The following ABHD2 variants were observed in gnomAD, a reference collection of about 807,000 sequenced individuals.
The protein encoded by ABHD2 is abhydrolase domain containing 2, acylglycerol lipase.
In ABHD2, 20 loss-of-function variants were observed where a neutral mutation model predicts 48.1. The ratio of observed to expected loss-of-function variants is 0.42; its 90% confidence interval spans 0.29 to 0.60. ABHD2 has a LOEUF of 0.60. Ranked by LOEUF, ABHD2 falls within the 20% of genes least tolerant of loss-of-function variation. The pLI is 0.24. For missense variants in ABHD2, 405 were observed against 550.9 expected, an observed-to-expected ratio of 0.74 and a Z score of 2.65; for synonymous variants, 209 against 214.2, an observed-to-expected ratio of 0.98 and a Z score of 0.21.
intron 3 of ABHD2, among the ~76,000 whole-genome samples, chr15:89,142,532 G>C (rs545945671): frequency 2.6e-5 from 4 of 152,150 alleles, no homozygotes; most frequent in African/African-American, 7.2e-5. Context: ...CATGTATCTC[G>C]TTCTTGCAGC....
In ABHD2 at chr15:89,182,054, C is replaced by T. The variant is rs1266911129; in HGVS notation, c.723-3370C>T. Among the ~76,000 whole-genome samples the T allele has an allele frequency of 6.6e-6, 1 of 152,152 alleles. No individual in the cohort carries two copies. The highest frequency in any genetic ancestry group is 2.4e-5 in the African/African-American group (1 of 41,436). ...CATTGATTAGAAATGAAGGCATTTT[C>T]AGGGAATTCTATTTATGTTGGTAAT... On this transcript the variant is annotated intron_variant, in intron 6 of 10. Coordinates refer to ENST00000352732, the MANE Select transcript of ABHD2 (RefSeq NM_152924.5). The surrounding 1 kb of genome is among the most constrained non-coding windows in gnomAD (Gnocchi z 4.8).
chr15:89,055,889 G>C, the ABHD2 span, among the ~76,000 whole-genome samples: 2 of 151,972 alleles, frequency 1.3e-5, no homozygotes, highest in Non-Finnish European at 2.9e-5. Context: ...TTACAGACTG[G>C]GTCTCACTCT....
chr15:89,171,637 G>C (rs192791440), intron 5 of ABHD2, among the ~76,000 whole-genome samples: 2 of 152,248 alleles, frequency 1.3e-5, no homozygotes, highest in Admixed American at 1.3e-4. Flanking sequence ...ACTGCTACCA[G>C]GCTAAGCTTC....
rs891210283 is a variant in ABHD2, at chr15:89,164,374, G to A, written c.538+8840G>A. ...TGTGTGTTAATCTCCTCCATCTAGT[G>A]TATCACTTAGAGAGAGATGGTCAGG... On this transcript the variant is annotated intron_variant, in intron 5 of 10. Coordinates refer to ENST00000352732, the MANE Select transcript of ABHD2 (RefSeq NM_152924.5). This position sits in a 1 kb window ranked among gnomAD's most constrained non-coding sequence, Gnocchi z 5.0. Among the ~76,000 whole-genome samples, 16 of 152,150 alleles carry A rather than the reference G, an allele frequency of 1.1e-4. No homozygotes were observed. Among genetic ancestry groups the A allele is most frequent in the African/African-American group, 3.9e-4 (16 of 41,424 alleles).
rs911749156 is a variant in ABHD2, at chr15:89,114,522, C to A, written c.-7+698C>A. ...TTTTGAGACGGCGTTTCGCTCTTGT[C>A]CCCAGGCTGGAGTGCAGTGGTGTGA... On this transcript the variant is annotated intron_variant, in intron 2 of 10. Transcript: ENST00000352732. The surrounding 1 kb of genome is among the most constrained non-coding windows in gnomAD (Gnocchi z 4.2). 1.3e-5 allele frequency among the ~76,000 whole-genome samples: 2 copies of A among 151,960 alleles called. No individual in the cohort carries two copies. Among genetic ancestry groups the A allele is most frequent in the African/African-American group, 4.8e-5 (2 of 41,354 alleles).
chr15:89,149,520 G>C (rs1470373657), intron 3 of ABHD2, among the ~76,000 whole-genome samples: 1 of 152,140 alleles, frequency 6.6e-6, no homozygotes, highest in African/African-American at 2.4e-5. Context: ...GCAGCAGGAG[G>C]GGTTGGCTTG....
At chr15:89,171,100 G>GC (rs2050920113) in intron 5 of ABHD2, among the ~76,000 whole-genome samples, 1 of 151,036 alleles carries the variant, frequency 6.6e-6, no homozygotes, top group Admixed American at 6.6e-5. Context: ...TGGGCAACGA[G>GC]CAAAACTCCA....
chr15:89,142,983 G>A (rs1358384886), intron 3 of ABHD2, among the ~76,000 whole-genome samples: 2 of 152,102 alleles, frequency 1.3e-5, no homozygotes, highest in African/African-American at 4.8e-5. Context: ...AGTCTGCTGA[G>A]CCAATTCGAT....
chr15:89,160,366 C>G (rs969575763), intron 5 of ABHD2, among the ~76,000 whole-genome samples: 1 of 152,158 alleles, frequency 6.6e-6, no homozygotes, highest in Non-Finnish European at 1.5e-5. Context: ...TCTTTGTCAA[C>G]TTTTGTTTCT....
chr15:89,075,202 C>T, the ABHD2 span: 1 of 152,124 alleles, frequency 6.6e-6, no homozygotes, highest in Non-Finnish European at 1.5e-5. This position sits in a 1 kb window ranked among gnomAD's most constrained non-coding sequence, Gnocchi z 4.1. Flanking sequence ...AAGGCAATAC[C>T]TGAGATAGGA....
intron 3 of ABHD2, among the ~76,000 whole-genome samples, chr15:89,142,840 C>T (rs545863490): frequency 8.5e-5 from 13 of 152,232 alleles, no homozygotes; most frequent in African/African-American, 2.6e-4. Context: ...GAATACCAGT[C>T]GGATTCTAGC....
In ABHD2 at chr15:89,183,383, AAATATATATATAT is replaced by A. The variant is rs1420753754; in HGVS notation, c.723-2039_723-2027del. On this transcript the variant is annotated intron_variant, in intron 6 of 10. Transcript: ENST00000352732. ...CAGTCCTTTTCAAAAAAAAAAAAAAAAATATATATATATATATATATATATATATATATGAGAT... is the reference window on the plus strand; with the variant it reads ...CAGTCCTTTTCAAAAAAAAAAAAAAAATATATATATATATATATATGAGAT... 108 of 66,076 alleles carry A rather than the reference AAATATATATATAT, an allele frequency of 1.6e-3. No individual in the cohort carries two copies. In the Middle Eastern group the frequency reaches 0.027, roughly 17 times the overall value. The allele number at this position is 66,076 out of a possible 1,614,324, so 4.1% of individuals were successfully genotyped here. A position where few individuals can be genotyped will look rare whatever the true frequency, so the allele number is the denominator to read the frequency against.
At chr15:89,163,939 A>G (rs996836867) in intron 5 of ABHD2, among the ~76,000 whole-genome samples, 2 of 152,230 alleles carry the variant, frequency 1.3e-5, no homozygotes, top group African/African-American at 4.8e-5. Context: ...TAGTCCTAGA[A>G]TCCGTGCTCC....
chr15:89,085,556 C>G (rs545845834), upstream of ABHD2, among the ~76,000 whole-genome samples: 1 of 152,236 alleles, frequency 6.6e-6, no homozygotes, highest in East Asian at 1.9e-4. The surrounding 1 kb of genome is among the most constrained non-coding windows in gnomAD (Gnocchi z 4.2). Flanking sequence ...AGAAGATGCC[C>G]GGATCCTTTT....
intron 6 of ABHD2, among the ~76,000 whole-genome samples, chr15:89,183,840 A>G (rs2150941759): frequency 6.6e-6 from 1 of 152,266 alleles, no homozygotes; most frequent in Admixed American, 6.5e-5. Flanking sequence ...AACCAGGGTA[A>G]GAGAAAGCTG....
chr15:89,145,490 A>G (rs1451942140), intron 3 of ABHD2, among the ~76,000 whole-genome samples: 2 of 152,196 alleles, frequency 1.3e-5, no homozygotes, highest in Admixed American at 6.5e-5. Flanking sequence ...CCTTCAGAAG[A>G]ACTAGATGGG....
chr15:89,181,214 G>A (rs149748388), intron 6 of ABHD2, among the ~76,000 whole-genome samples: 3,845 of 117,046 alleles, frequency 0.033, 86 homozygotes, highest in Middle Eastern at 0.087. Flanking sequence ...GGGGGACAGA[G>A]CGAGACTCTG....
At chr15:89,069,674 CTTTTTTTTTTTTT>C in the ABHD2 span, among the ~76,000 whole-genome samples, 6 of 52,900 alleles carry the variant, frequency 1.1e-4, 1 homozygote, top group South Asian at 5.1e-3. Flanking sequence ...TTCATTTACT[CTTTTTTTTTTTTT>C]TTTTTTTTTT....
chr15:89,074,426 G>C, the ABHD2 span, among the ~76,000 whole-genome samples: 1 of 151,962 alleles, frequency 6.6e-6, no homozygotes, highest in African/African-American at 2.4e-5. Context: ...TGATGCCAGT[G>C]TTCTTTCCCA....
Sources: gnomAD v4.1 joint callset for allele counts (sites outside exome capture counted in the v4.1 genomes callset) on GRCh38, gnomAD v4.1.1 for gene constraint, Gnocchi (gnomAD v3.1) non-coding constraint, MANE v1.5 for transcripts, NCBI Gene and HGNC (gene_info 2026-07-23, HGNC 2026-07-21) for gene names.